The following SCHIP1 variants were observed in gnomAD, a reference collection of about 807,000 sequenced individuals.
SCHIP1 encodes the protein schwannomin interacting protein 1.
A neutral mutation model predicts 29.7 loss-of-function variants in SCHIP1; 8 were observed. The observed-to-expected ratio is 0.27, with a 90% CI of 0.16 to 0.49. The LOEUF (loss-of-function observed/expected upper bound fraction) is 0.49, where lower values mean the gene tolerates loss of function less well. Ranked by LOEUF, SCHIP1 falls within the 20% of genes least tolerant of loss-of-function variation. The pLI, the probability that SCHIP1 is intolerant of heterozygous loss-of-function variation, is 0.99. For missense variants in SCHIP1, 193 were observed against 294.6 expected (o/e 0.66, Z 2.52); for synonymous variants, 76 against 94.9 (o/e 0.80, Z 1.16).
chr3:159,506,847 C>G, the SCHIP1 span, among the ~76,000 whole-genome samples: 1 of 152,144 alleles, frequency 6.6e-6, no homozygotes, highest in African/African-American at 2.4e-5. Flanking sequence ...GGTACCAGTA[C>G]CATGCTGTTT....
At chr3:159,503,962 G>A in the SCHIP1 span, among the ~76,000 whole-genome samples, 9 of 152,296 alleles carry the variant, frequency 5.9e-5, no homozygotes, top group African/African-American at 1.9e-4. Context: ...TGGGAGATGA[G>A]GAAAGGAAAT....
At chr3:159,703,099 T>C in the SCHIP1 span, among the ~76,000 whole-genome samples, 1 of 152,216 alleles carries the variant, frequency 6.6e-6, no homozygotes, top group Non-Finnish European at 1.5e-5. Flanking sequence ...GCTGAATTCA[T>C]AGCATTGATC....
At chr3:159,628,358 C>A in the SCHIP1 span, among the ~76,000 whole-genome samples, 2 of 152,166 alleles carry the variant, frequency 1.3e-5, no homozygotes, top group African/African-American at 4.8e-5. Flanking sequence ...TCCAGAGCAT[C>A]TTCAATACTT....
the SCHIP1 span, among the ~76,000 whole-genome samples, chr3:159,685,479 A>G: frequency 1.3e-5 from 2 of 152,254 alleles, no homozygotes; most frequent in Admixed American, 1.3e-4. Flanking sequence ...GAGAGAAAGA[A>G]TAAACAACAA....
chr3:159,602,708 CA>C, the SCHIP1 span, among the ~76,000 whole-genome samples: 122 of 137,072 alleles, frequency 8.9e-4, no homozygotes, highest in Admixed American at 1.1e-3. Context: ...GAATCCATCT[CA>C]AAAAAAAAAA....
chr3:159,694,797 A>G, the SCHIP1 span, among the ~76,000 whole-genome samples: 1 of 152,188 alleles, frequency 6.6e-6, no homozygotes, highest in Non-Finnish European at 1.5e-5. Context: ...CCTTAAAACT[A>G]CATATCTGGG....
chr3:159,591,060 T>C, the SCHIP1 span, among the ~76,000 whole-genome samples: 1 of 152,312 alleles, frequency 6.6e-6, no homozygotes, highest in African/African-American at 2.4e-5. Flanking sequence ...CTCCTTATGG[T>C]TTCTGCTCTT....
chr3:159,787,389 C>G, the SCHIP1 span, among the ~76,000 whole-genome samples: 1,613 of 152,298 alleles, frequency 0.011, 27 homozygotes, highest in African/African-American at 0.037. Context: ...ACACTTGGCT[C>G]AAGCTTTTCG....
At chr3:159,420,864 C>G in the SCHIP1 span, among the ~76,000 whole-genome samples, 1 of 152,202 alleles carries the variant, frequency 6.6e-6, no homozygotes, top group Non-Finnish European at 1.5e-5. Flanking sequence ...TTGAGGATCA[C>G]ATGAGCCAGT....
chr3:159,839,176 ACT>A (rs1215247030), upstream of SCHIP1, among the ~76,000 whole-genome samples: 1 of 151,712 alleles, frequency 6.6e-6, no homozygotes, highest in Non-Finnish European at 1.5e-5. Context: ...GTCCAGAATT[ACT>A]CTGTCTCAGG....
chr3:159,807,747 G>T, the SCHIP1 span, among the ~76,000 whole-genome samples: 2 of 152,200 alleles, frequency 1.3e-5, no homozygotes, highest in African/African-American at 4.8e-5. Flanking sequence ...CTTGTTCTTT[G>T]CTGGTGCATG....
chr3:159,465,764 A>T, the SCHIP1 span, among the ~76,000 whole-genome samples: 2 of 152,200 alleles, frequency 1.3e-5, no homozygotes, highest in Non-Finnish European at 2.9e-5. Flanking sequence ...AATGCTACAA[A>T]GGATAATCAC....
At chr3:159,715,491 C>T in the SCHIP1 span, among the ~76,000 whole-genome samples, 1 of 152,220 alleles carries the variant, frequency 6.6e-6, no homozygotes, top group South Asian at 2.1e-4. Context: ...CGCAAAGAAG[C>T]TAAAAACCTT....
At chr3:159,788,605 G>A in the SCHIP1 span, among the ~76,000 whole-genome samples, 1 of 152,096 alleles carries the variant, frequency 6.6e-6, no homozygotes, top group African/African-American at 2.4e-5. Flanking sequence ...CCCTCTCAGG[G>A]CCAAATTATC....
chr3:159,616,198 T>C, the SCHIP1 span, among the ~76,000 whole-genome samples: 1 of 152,180 alleles, frequency 6.6e-6, no homozygotes, highest in Non-Finnish European at 1.5e-5. Flanking sequence ...TTTGTTTTGT[T>C]TTTTGTTCCC....
the SCHIP1 span, among the ~76,000 whole-genome samples, chr3:159,717,383 A>C: frequency 2.0e-5 from 3 of 152,270 alleles, no homozygotes; most frequent in Non-Finnish European, 2.9e-5. Context: ...ACTAAGATCA[A>C]AGCAGAACTG....
At chr3:159,807,307 G>A in the SCHIP1 span, among the ~76,000 whole-genome samples, 6 of 152,128 alleles carry the variant, frequency 3.9e-5, no homozygotes, top group South Asian at 4.1e-4. Flanking sequence ...GAGGCTCCAC[G>A]CTGGCTTAGT....
chr3:159,494,101 C>A, the SCHIP1 span, among the ~76,000 whole-genome samples: 1 of 152,178 alleles, frequency 6.6e-6, no homozygotes, highest in Non-Finnish European at 1.5e-5. Flanking sequence ...ATATTCAAAG[C>A]AGTGTGTAGA....
At chr3:159,689,831 C>T in the SCHIP1 span, among the ~76,000 whole-genome samples, 4 of 152,096 alleles carry the variant, frequency 2.6e-5, no homozygotes, top group South Asian at 2.1e-4. Context: ...TTACTGAAGG[C>T]CTTTTCTGCA....
Sources: gnomAD v4.1 joint callset for allele counts (sites outside exome capture counted in the v4.1 genomes callset) on GRCh38, gnomAD v4.1.1 for gene constraint, MANE v1.5 for transcripts, NCBI Gene and HGNC (gene_info 2026-07-23, HGNC 2026-07-21) for gene names.